Variants in STARD9 observed in about 807,000 individuals in gnomAD.
The protein encoded by STARD9 is StAR related lipid transfer domain containing 9, also known as stAR-related lipid transfer protein 9.
In STARD9, 346 loss-of-function variants were observed where a neutral mutation model predicts 399.8. That is an observed-to-expected ratio of 0.87 (90% confidence interval 0.79 to 0.95). The LOEUF is 0.95. STARD9 is among the 40% of genes least tolerant of loss of function. STARD9 has a pLI of 0.00. For missense variants in STARD9, 5,832 were observed against 5,667.5 expected, an observed-to-expected ratio of 1.03 and a Z score of -0.93; for synonymous variants, 2,203 against 2,143.5, an observed-to-expected ratio of 1.03 and a Z score of -0.77.
intron 3 of STARD9, among the ~76,000 whole-genome samples, chr15:42,589,012 G>A (rs12904010): frequency 0.88 from 134,043 of 151,484 alleles, 59,379 homozygotes; most frequent in East Asian, 1. Flanking sequence ...ACAGGGTTTC[G>A]CCATGTTGGC....
Position 42,717,749 on chromosome 15 carries a change from G to C in STARD9, c.13513G>C (p.Asp4505His). 1 of 1,537,234 alleles carries C rather than the reference G, an allele frequency of 6.5e-7. No individual in the cohort carries two copies. The highest frequency in any genetic ancestry group is 8.7e-7 in the Non-Finnish European group (1 of 1,146,902). The change falls in exon 29 of 33, where the codon GAT (aspartate) becomes CAT (histidine). Residue 4505 changes from aspartate (D) to histidine (H), a missense_variant. Transcript: ENST00000290607. ...SMADVMAACS[D>H]NLHNLFSCQA... is the part of the protein sequence containing the mutation. ...TCCCCAGGTAATGGCTGCTTGTTCG[G>C]ATAATTTGCACAACCTCTTCAGCTG...
At chr15:42,679,231 A>G (rs1237086444) in intron 20 of STARD9, among the ~76,000 whole-genome samples, 1 of 152,202 alleles carries the variant, frequency 6.6e-6, no homozygotes, top group African/African-American at 2.4e-5. Flanking sequence ...CAAAATTTGG[A>G]GCAGTAATAC....
Position 42,687,256 on chromosome 15 carries a change from C to A in STARD9, c.5678C>A (p.Ser1893Tyr), listed in dbSNP as rs1278402731. Reference sequence around the variant, plus strand: ...GAGGGAGGAGAGGTCACTGCTCAGTCCTGTTGCGGTGCTTCCTCAGACAGC... The same window carrying A: ...GAGGGAGGAGAGGTCACTGCTCAGTACTGTTGCGGTGCTTCCTCAGACAGC... ...ALEGGEVTAQ[S>Y]CCGASSDSTE... Residue 1893 changes from serine (S) to tyrosine (Y), a missense_variant, in exon 23 of 33, where the codon TCC becomes TAC. Ser to Tyr is a moderately radical substitution (Grantham distance 144). Around this residue, in one of 2 missense-constraint regions of STARD9, gnomAD observed 5,828 missense variants for 5,651.1 expected, o/e 1.03. Transcript: ENST00000290607. 2.6e-6 allele frequency: 4 copies of A among 1,536,854 alleles called. No individual in the cohort carries two copies. Among genetic ancestry groups the A allele is most frequent in the Non-Finnish European group, 3.5e-6 (4 of 1,146,942 alleles).
At chr15:42,677,604 C>A (rs2060336504) in intron 20 of STARD9, among the ~76,000 whole-genome samples, 1 of 152,190 alleles carries the variant, frequency 6.6e-6, no homozygotes, top group African/African-American at 2.4e-5. Flanking sequence ...AATAACACTG[C>A]AACTTAAATA....
intron 3 of STARD9, among the ~76,000 whole-genome samples, chr15:42,612,640 C>T (rs191624316): frequency 4.1e-4 from 63 of 152,256 alleles, no homozygotes; most frequent in African/African-American, 1.3e-3. Flanking sequence ...ACATGCTACT[C>T]GGACAGTTGT....
At position 42,691,962 on chromosome 15, in the gene STARD9, G is replaced by A. The variant is rs1233206678; in HGVS notation, c.10384G>A (p.Gly3462Ser). ...SQMDKGMLHF[G>S]SSDISPYALP... The stretch of plus-strand genomic sequence containing the variant: ...GATGGACAAAGGAATGCTGCACTTT[G>A]GCTCCAGTGACATCAGTCCCTATGC... The change falls in exon 23 of 33, where the codon GGC becomes AGC. Residue 3462 changes from glycine to serine, a missense_variant. By Grantham distance (56) the Gly-to-Ser change is moderately conservative. Coordinates refer to ENST00000290607, the MANE Select transcript of STARD9 (RefSeq NM_020759.3). 1 of 1,537,272 alleles carries A rather than the reference G, an allele frequency of 6.5e-7. No individual in the cohort carries two copies. The highest frequency in any genetic ancestry group is 8.7e-7 in the Non-Finnish European group (1 of 1,146,906).
At chr15:42,576,390 C>T (rs534891696) in intron 1 of STARD9, among the ~76,000 whole-genome samples, 26 of 152,282 alleles carry the variant, frequency 1.7e-4, no homozygotes, top group African/African-American at 6.3e-4. Flanking sequence ...CATCTCAGCC[C>T]TTGAGACATC....
Position 42,693,326 on chromosome 15 carries a change from C to G in STARD9, c.11748C>G (p.Gly3916=). Residue 3916 remains glycine (G), a synonymous_variant, in exon 23 of 33, where the codon GGC becomes GGG. Coordinates refer to ENST00000290607, the MANE Select transcript of STARD9 (RefSeq NM_020759.3). ...CCCAAGAGCCGGGTCTTTCCCCAGG[C>G]TCTTTGACCCTCTCAGCCCCTTCAA... is the stretch of plus-strand genomic sequence containing the variant. ...ASTQEPGLSP[G]SLTLSAPSTH... 6.5e-7 allele frequency: 1 copy of G among 1,537,184 alleles called. No homozygotes were observed. Among genetic ancestry groups the G allele is most frequent in the Non-Finnish European group, 8.7e-7 (1 of 1,146,918 alleles).
chr15:42,581,527 G>T, intron 1 of STARD9: 1 of 1,373,476 alleles, frequency 7.3e-7, no homozygotes, highest in Non-Finnish European at 1.0e-6. Flanking sequence ...GTGGCGGGTA[G>T]GCGGCGGCGC....
At position 42,705,568 on chromosome 15, in the gene STARD9, G is replaced by GA. The variant is rs573279876; in HGVS notation, c.13284+9688_13284+9689insA. ...TCCTGGCTCAGCACTCCGAGTACCTGGGACTACAGGCATGCATCACCCTCC... is the reference window on the plus strand; with the variant it reads ...TCCTGGCTCAGCACTCCGAGTACCTGAGGACTACAGGCATGCATCACCCTCC... On this transcript the variant is annotated intron_variant, in intron 26 of 32. Transcript: ENST00000290607. 1.4e-4 allele frequency among the ~76,000 whole-genome samples: 22 copies of GA among 152,084 alleles called. No homozygotes were observed. The South Asian group carries it at 4.6e-3, about 32-fold the overall frequency.
At chr15:42,628,515 C>A (rs1260874750) in intron 3 of STARD9, among the ~76,000 whole-genome samples, 1 of 152,102 alleles carries the variant, frequency 6.6e-6, no homozygotes, top group East Asian at 1.9e-4. Flanking sequence ...AGACCTATGT[C>A]CTGGAGAGTA....
intron 3 of STARD9, among the ~76,000 whole-genome samples, chr15:42,609,852 G>A (rs899592602): frequency 5.3e-5 from 8 of 152,072 alleles, no homozygotes; most frequent in African/African-American, 1.9e-4. Flanking sequence ...CAGCACTTTG[G>A]GAGGCTGAGG....
chr15:42,674,508 A>G lies in STARD9; in HGVS notation c.1549+17A>G. On this transcript the variant is annotated intron_variant, in intron 17 of 32. Transcript: ENST00000290607. ...AGGACATTGGTAAGTGGCAGAGTAT[A>G]TGAGTCCAGCATTTTGGGGCTAGTA... The G allele has an allele frequency of 6.5e-7, 1 of 1,536,182 alleles. No individual in the cohort carries two copies. Among genetic ancestry groups the G allele is most frequent in the Non-Finnish European group, 8.7e-7 (1 of 1,145,950 alleles).
At chr15:42,626,139 T>G (rs1300154586) in intron 3 of STARD9, among the ~76,000 whole-genome samples, 5 of 151,936 alleles carry the variant, frequency 3.3e-5, no homozygotes, top group Admixed American at 3.3e-4. Flanking sequence ...GCCAGGCTGG[T>G]CTCAGAACTC....
At chr15:42,712,556 C>A (rs2061265220) in intron 26 of STARD9, among the ~76,000 whole-genome samples, 1 of 152,118 alleles carries the variant, frequency 6.6e-6, no homozygotes, top group Non-Finnish European at 1.5e-5. Flanking sequence ...CTCCCAACAA[C>A]ATTTGTTTAA....
Position 42,714,268 on chromosome 15 carries a change from A to G in STARD9, c.13285-2409A>G, listed in dbSNP as rs1041999291. Among the ~76,000 whole-genome samples the G allele has an allele frequency of 4.6e-5, 7 of 152,020 alleles. No homozygotes were observed. The East Asian group carries it at 1.2e-3, about 25-fold the overall frequency. On this transcript the variant is annotated intron_variant, in intron 26 of 32. Transcript: ENST00000290607. ...TTTTAGTGGAGACAGGGGTTTCACCATGTTAGCCAGGATGGTCTCGATCTC... is the reference window on the plus strand; with the variant it reads ...TTTTAGTGGAGACAGGGGTTTCACCGTGTTAGCCAGGATGGTCTCGATCTC...
intron 3 of STARD9, among the ~76,000 whole-genome samples, chr15:42,631,050 G>A (rs1208389285): frequency 2.0e-5 from 3 of 150,990 alleles, no homozygotes; most frequent in Non-Finnish European, 4.4e-5. Context: ...TAGAGCTTGA[G>A]CCCAGGCTAG....
Position 42,694,223 on chromosome 15 carries a change from G to A in STARD9, c.12645G>A (p.Ala4215=), listed in dbSNP as rs1347204562. The A allele has an allele frequency of 1.9e-5, 29 of 1,535,322 alleles. No homozygotes were observed. The highest frequency in any genetic ancestry group is 2.4e-5 in the South Asian group (2 of 83,732). ...NLSLSVELTE[A]KLHHGFGEAD... is the part of the protein sequence containing the mutation. ...CACTCAGCGTGGAACTCACAGAAGCGAAACTGCACCATGGCTTTGGGGAGG... is the reference window on the plus strand; with the variant it reads ...CACTCAGCGTGGAACTCACAGAAGCAAAACTGCACCATGGCTTTGGGGAGG... Residue 4215 remains alanine (A), a synonymous_variant, in exon 23 of 33, where the codon GCG becomes GCA. Coordinates refer to ENST00000290607, the MANE Select transcript of STARD9 (RefSeq NM_020759.3).
At chr15:42,611,719 G>A (rs1474209402) in intron 3 of STARD9, among the ~76,000 whole-genome samples, 2 of 152,146 alleles carry the variant, frequency 1.3e-5, no homozygotes, top group African/African-American at 2.4e-5. Flanking sequence ...ACTTGCCATT[G>A]TATTAGGGCT....
Sources: allele counts gnomAD v4.1 joint callset (sites outside exome capture counted in the v4.1 genomes callset), GRCh38; gene constraint gnomAD v4.1.1; regional missense constraint gnomAD v4.1.1; transcripts MANE v1.5; gene names NCBI Gene and HGNC (gene_info 2026-07-23, HGNC 2026-07-21).